Variants in CTNNA3 observed in about 807,000 individuals in gnomAD.
CTNNA3 encodes the protein catenin alpha 3.
Under a neutral mutation model 95.7 loss-of-function variants are expected in CTNNA3, and 76 were observed. That is an observed-to-expected ratio of 0.79 (90% CI 0.66 to 0.96). The LOEUF (loss-of-function observed/expected upper bound fraction) is 0.96, where lower values mean the gene tolerates loss of function less well. Ranked by LOEUF, CTNNA3 falls within the 40% of genes least tolerant of loss-of-function variation. The pLI is 0.00. For missense variants in CTNNA3, 1,191 were observed against 1,089.8 expected, an observed-to-expected ratio of 1.09 and a Z score of -1.31; for synonymous variants, 431 against 374.4, an observed-to-expected ratio of 1.15 and a Z score of -1.74.
At chr10:66,371,678 C>G (rs928966220) in intron 12 of CTNNA3, among the ~76,000 whole-genome samples, 24 of 152,028 alleles carry the variant, frequency 1.6e-4, no homozygotes, top group African/African-American at 5.3e-4. Context: ...TCTCATCATC[C>G]CCAACTTCCC....
At position 66,321,423 on chromosome 10, in the gene CTNNA3, G is replaced by A. The variant is rs75141086; in HGVS notation, c.1733-40802C>T. Among the ~76,000 whole-genome samples, 1,293 of 152,130 alleles carry A rather than the reference G, an allele frequency of 8.5e-3. 9 individuals carry two copies. The highest frequency in any genetic ancestry group is 0.031 in the Middle Eastern group (9 of 294). ...GGGTTGGACTTGGTGGAAATCCTAA[G>A]AAGTAACTTAACTGTGCAATTAAAG... On this transcript the variant is annotated intron_variant, in intron 12 of 17. Transcript: ENST00000433211.
rs1359672623 is a variant in CTNNA3 at position 67,296,201 on chromosome 10, T to C, written c.580-76331A>G. 2.0e-5 allele frequency among the ~76,000 whole-genome samples: 3 copies of C among 152,184 alleles called. No homozygotes were observed. In the East Asian group the frequency reaches 5.8e-4, roughly 29 times the overall value. On this transcript the variant is annotated intron_variant, in intron 5 of 17. Coordinates refer to ENST00000433211, the MANE Select transcript of CTNNA3 (RefSeq NM_013266.4). ...AAATTATAGCATTTTTTTTCTTTTC[T>C]CTCTAAAATATTATTAGATGCTCAT...
At chr10:67,726,476 ATATAT>A (rs1841223376) in intron 1 of CTNNA3, among the ~76,000 whole-genome samples, 1 of 67,408 alleles carries the variant, frequency 1.5e-5, no homozygotes, top group African/African-American at 6.5e-5. Flanking sequence ...ATATAATATT[ATATAT>A]TATATCATAT....
At position 66,107,040 on chromosome 10, in the gene CTNNA3, A is replaced by T. The variant is rs193210704; in HGVS notation, c.1885-3791T>A. On this transcript the variant is annotated intron_variant, in intron 13 of 17. Coordinates refer to ENST00000433211, the MANE Select transcript of CTNNA3 (RefSeq NM_013266.4). ...GATCTCTTTTAATTGGACTTTAATC[A>T]TGTCTAACAGCGAAATTATCTCTTA... is the stretch of plus-strand genomic sequence containing the variant. Among the ~76,000 whole-genome samples the T allele has an allele frequency of 3.9e-5, 6 of 152,270 alleles. No homozygotes were observed. In the East Asian group the frequency reaches 1.2e-3, roughly 29 times the overall value.
chr10:67,052,337 TC>T (rs1855156664), intron 7 of CTNNA3, among the ~76,000 whole-genome samples: 7 of 151,676 alleles, frequency 4.6e-5, no homozygotes, highest in Non-Finnish European at 7.4e-5. Context: ...TCTCTCTCTC[TC>T]TCTCTCTCTC....
intron 14 of CTNNA3, among the ~76,000 whole-genome samples, chr10:66,076,448 A>C (rs2080561846): frequency 6.6e-6 from 1 of 151,706 alleles, no homozygotes; most frequent in Non-Finnish European, 1.5e-5. Flanking sequence ...GTAATATTTT[A>C]AAATTAACAT....
intron 5 of CTNNA3, among the ~76,000 whole-genome samples, chr10:67,383,507 T>A (rs1168947404): frequency 6.6e-6 from 1 of 152,218 alleles, no homozygotes; most frequent in Non-Finnish European, 1.5e-5. Context: ...CACCACTACA[T>A]AATGTAGTCT....
At chr10:67,702,341 C>T (rs1382800805) in intron 1 of CTNNA3, among the ~76,000 whole-genome samples, 1 of 152,118 alleles carries the variant, frequency 6.6e-6, no homozygotes, top group African/African-American at 2.4e-5. Context: ...CAGCACCACA[C>T]CACACCTATT....
intron 1 of CTNNA3, among the ~76,000 whole-genome samples, chr10:67,657,649 C>T (rs760996950): frequency 3.9e-4 from 60 of 151,992 alleles, no homozygotes; most frequent in Non-Finnish European, 2.1e-4. Context: ...AGTTCGAGAC[C>T]AGCCTGGCCA....
intron 5 of CTNNA3, among the ~76,000 whole-genome samples, chr10:67,276,461 T>G (rs1302636285): frequency 1.3e-5 from 2 of 152,170 alleles, no homozygotes; most frequent in East Asian, 3.8e-4. Context: ...TGCAGTATTG[T>G]TGGTATTATT....
intron 7 of CTNNA3, among the ~76,000 whole-genome samples, chr10:67,109,677 T>C (rs1056244749): frequency 6.6e-6 from 1 of 152,060 alleles, no homozygotes; most frequent in Admixed American, 6.6e-5. Context: ...ACCCCGCCTC[T>C]ACTAAAAATA....
At chr10:66,868,372 T>TAA (rs71035195) in intron 7 of CTNNA3, among the ~76,000 whole-genome samples, 10 of 143,258 alleles carry the variant, frequency 7.0e-5, no homozygotes, top group African/African-American at 2.0e-4. Context: ...TCGCAAAAAT[T>TAA]AAAAAAAAAA....
chr10:67,130,538 C>T (rs1859945734), intron 7 of CTNNA3, among the ~76,000 whole-genome samples: 2 of 152,080 alleles, frequency 1.3e-5, no homozygotes, highest in African/African-American at 4.8e-5. Context: ...ATTAGATAAA[C>T]CTTCTGAAAT....
At chr10:66,358,125 T>C (rs542743606) in intron 12 of CTNNA3, among the ~76,000 whole-genome samples, 1 of 152,296 alleles carries the variant, frequency 6.6e-6, no homozygotes, top group South Asian at 2.1e-4. Context: ...ATAATTTGTA[T>C]TTTCTATTTC....
rs555446118 is a variant in CTNNA3 at position 67,480,247 on chromosome 10, A to G, written c.579+41595T>C. 3.3e-5 allele frequency among the ~76,000 whole-genome samples: 5 copies of G among 152,352 alleles called. No homozygotes were observed. In the South Asian group the frequency reaches 1.0e-3, roughly 32 times the overall value. On this transcript the variant is annotated intron_variant, in intron 5 of 17. Transcript: ENST00000433211. ...ACTCCTTTCTAACTCATGCTACAAA[A>G]GTAGCATCAGCCTGACACCAAAACC...
intron 11 of CTNNA3, among the ~76,000 whole-genome samples, chr10:66,410,855 GCCTGTGTCTCTTAAAACTTACA>G (rs571094486): frequency 1.8e-3 from 270 of 152,126 alleles, no homozygotes; most frequent in Middle Eastern, 3.4e-3. Flanking sequence ...GTCATAAAGT[GCCTGTGTCTCTTAAAACTTACA>G]CCATTAGCAA....
At chr10:66,729,018 A>G (rs34385378) in intron 9 of CTNNA3, among the ~76,000 whole-genome samples, 3,423 of 152,244 alleles carry the variant, frequency 0.022, 153 homozygotes, top group East Asian at 0.2. Flanking sequence ...TCCTTTCCCC[A>G]TTACTTGTTT....
intron 9 of CTNNA3, among the ~76,000 whole-genome samples, chr10:66,682,323 A>G (rs10997297): frequency 0.14 from 21,448 of 152,086 alleles, 1,963 homozygotes; most frequent in African/African-American, 0.25. Flanking sequence ...GGGGTTATAC[A>G]ATGCACAATA....
chr10:67,282,399 G>A (rs1459243756), intron 5 of CTNNA3, among the ~76,000 whole-genome samples: 1 of 152,110 alleles, frequency 6.6e-6, no homozygotes, highest in Admixed American at 6.6e-5. Context: ...GTAGGATGCA[G>A]AGAATGCAAT....
Sources: gnomAD v4.1 joint callset for allele counts (sites outside exome capture counted in the v4.1 genomes callset) on GRCh38, gnomAD v4.1.1 for gene constraint, MANE v1.5 for transcripts, NCBI Gene and HGNC (gene_info 2026-07-23, HGNC 2026-07-21) for gene names.